ADAMTS13: variants seen among roughly 807,000 people sequenced by gnomAD.
ADAMTS13 encodes the protein ADAM metallopeptidase with thrombospondin type 1 motif 13.
In ADAMTS13, 110 loss-of-function variants were observed where a neutral mutation model predicts 155.1. The observed-to-expected ratio is 0.71, with a 90% CI of 0.61 to 0.83. ADAMTS13 has a LOEUF of 0.83. Ranked by LOEUF, ADAMTS13 falls within the 40% of genes least tolerant of loss-of-function variation. The pLI, the probability that ADAMTS13 is intolerant of heterozygous loss-of-function variation, is 0.00. For synonymous variants in ADAMTS13, 758 were observed against 756.4 expected (o/e 1.00, Z -0.03); for missense variants, 1,707 against 1,891.7 (o/e 0.90, Z 1.81).
chr9:133,435,533 A>ATTTT (rs71503347), intron 11 of ADAMTS13, among the ~76,000 whole-genome samples: 1 of 106,082 alleles, frequency 9.4e-6, no homozygotes, highest in Non-Finnish European at 1.9e-5. Context: ...TTCTTTCTTT[A>ATTTT]TTTTTTTTTT....
At chr9:133,422,301 T>C (rs1840003858), upstream of ADAMTS13, 2 of 809,120 alleles carry the variant, frequency 2.5e-6, no homozygotes, top group Non-Finnish European at 2.0e-6. Flanking sequence ...GCCCCTGCCC[T>C]GGCAGGAAGC....
At chr9:133,428,807 C>G (rs993062663) in intron 7 of ADAMTS13, 36 bp downstream of exon 7, 231 of 1,260,912 alleles carry the variant, frequency 1.8e-4, no homozygotes, top group Non-Finnish European at 2.2e-4. Flanking sequence ...GCGCGAGCCT[C>G]CAGCCAGCCC....
chr9:133,426,642 A>G (rs975060113), intron 6 of ADAMTS13, among the ~76,000 whole-genome samples: 1 of 152,220 alleles, frequency 6.6e-6, no homozygotes, highest in African/African-American at 2.4e-5. Context: ...CCATTTAGAG[A>G]TAATGTCTCT....
chr9:133,444,983 C>G lies in ADAMTS13; in HGVS notation c.2541C>G (p.Gly847=). Reference sequence around the variant, plus strand: ...AGGCTCCAGTGACTGAGGGGCCTGGCTCCGTAGATGAGAAGCTGCCTGCCC... The same window carrying G: ...AGGCTCCAGTGACTGAGGGGCCTGGGTCCGTAGATGAGAAGCTGCCTGCCC... The part of the protein sequence containing the change: ...GLEAPVTEGP[G]SVDEKLPAPE... The change falls in exon 20 of 29, where the codon GGC becomes GGG. Residue 847 remains glycine (G), a synonymous_variant. Transcript: ENST00000355699. The G allele has an allele frequency of 6.2e-7, 1 of 1,613,496 alleles. No individual in the cohort carries two copies. The highest frequency in any genetic ancestry group is 8.5e-7 in the Non-Finnish European group (1 of 1,180,036).
chr9:133,436,420 A>G (rs1419482266), intron 11 of ADAMTS13, among the ~76,000 whole-genome samples: 1 of 152,074 alleles, frequency 6.6e-6, no homozygotes, highest in Non-Finnish European at 1.5e-5. Context: ...CTGTCAGCCC[A>G]TAAAAGTCCA....
rs1344972182 is a variant in ADAMTS13, at chr9:133,428,763, C to G, written c.816C>G (p.Ser272Arg). ...CCTGCAGCCGCCGGCAGCTGCTGAG[C>G]CTGCTCAGGTAGCGGCCGCCCCGTG... ...WSPCSRRQLLSLLSAGRARCV... is the reference protein window; with the variant it reads ...WSPCSRRQLLRLLSAGRARCV... The change falls in exon 7 of 29, where the codon AGC becomes AGG. Residue 272 changes from serine to arginine, a missense_variant. This residue lies in a region of ADAMTS13 where 733 missense variants were observed against 749.6 expected (regional missense o/e 0.98). Coordinates refer to ENST00000355699, the MANE Select transcript of ADAMTS13 (RefSeq NM_139027.6). 7.4e-7 allele frequency: 1 copy of G among 1,347,844 alleles called. No homozygotes were observed. The highest frequency in any genetic ancestry group is 9.5e-7 in the Non-Finnish European group (1 of 1,047,390). The allele number at this position is 1,347,844 out of a possible 1,614,324, so 83.5% of individuals were successfully genotyped here. A position where few individuals can be genotyped will look rare whatever the true frequency, so the allele number is the denominator to read the frequency against.
intron 2 of ADAMTS13, 34 bp downstream of exon 2, chr9:133,423,201 G>A (rs1554784100): frequency 1.9e-6 from 3 of 1,600,074 alleles, no homozygotes; most frequent in Middle Eastern, 1.7e-4. Flanking sequence ...CCCGGGGGGA[G>A]TTTCTCAGGA....
rs587745572 is a variant in ADAMTS13, at chr9:133,437,870, G to A, written c.1557G>A (p.Leu519=). ...GTGGCCCCCGGGAGGACGGGACCCT[G>A]AGCCTGTGTGTGTCGGGCAGCTGCA... is the stretch of plus-strand genomic sequence containing the variant. ...MPSGPREDGT[L]SLCVSGSCRT... is the part of the protein sequence containing the mutation. The change falls in exon 13 of 29, where the codon CTG becomes CTA. Residue 519 remains leucine, a synonymous_variant. Coordinates refer to ENST00000355699, the MANE Select transcript of ADAMTS13 (RefSeq NM_139027.6). 1 of 1,613,806 alleles carries A rather than the reference G, an allele frequency of 6.2e-7. No individual in the cohort carries two copies. Among genetic ancestry groups the A allele is most frequent in the East Asian group, 2.2e-5 (1 of 44,882 alleles).
chr9:133,453,981 G>T (rs1256148067), intron 23 of ADAMTS13, among the ~76,000 whole-genome samples: 1 of 152,124 alleles, frequency 6.6e-6, no homozygotes, highest in East Asian at 1.9e-4. Flanking sequence ...GCCATAATTA[G>T]TTATTGATTG....
At chr9:133,446,356 C>G (rs1329696553) in intron 21 of ADAMTS13, among the ~76,000 whole-genome samples, 3 of 152,178 alleles carry the variant, frequency 2.0e-5, no homozygotes, top group African/African-American at 4.8e-5. Flanking sequence ...CCCTCCGCAG[C>G]CCCTGGCAAC....
At chr9:133,416,296 T>A (rs7022611) in intron 1 of ADAMTS13, among the ~76,000 whole-genome samples, 9,245 of 152,226 alleles carry the variant, frequency 0.061, 861 homozygotes, top group African/African-American at 0.2. Context: ...AAGTCATTCA[T>A]GAGGGATCTA....
At chr9:133,436,427 TC>T in intron 11 of ADAMTS13, among the ~76,000 whole-genome samples, 1 of 152,188 alleles carries the variant, frequency 6.6e-6, no homozygotes, top group East Asian at 1.9e-4. Flanking sequence ...CCCATAAAAG[TC>T]CAAGACGCCT....
chr9:133,438,507 G>A (rs587596833), intron 14 of ADAMTS13, 141 bp downstream of exon 14: 25 of 1,333,158 alleles, frequency 1.9e-5, no homozygotes, highest in Admixed American at 6.5e-5. Flanking sequence ...TGGTGTCAGC[G>A]TCTCCCTCTT....
rs1036758427 is a variant in ADAMTS13, at chr9:133,425,478, G to A, written c.331-51G>A. 1.3e-6 allele frequency: 2 copies of A among 1,552,250 alleles called. No homozygotes were observed. Among genetic ancestry groups the A allele is most frequent in the Non-Finnish European group, 1.8e-6 (2 of 1,139,262 alleles). ...CCCCTGGGAGTCAGCAGCTGCCTGG[G>A]GCTGGCAATGCCCACCCGACGGGTT... On this transcript the variant is annotated intron_variant, in intron 3 of 28. Transcript: ENST00000355699. This position sits in a 1 kb window ranked among gnomAD's most constrained non-coding sequence, Gnocchi z 4.6.
upstream of ADAMTS13, among the ~76,000 whole-genome samples, chr9:133,417,088 A>ACTGCCT (rs1839671789): frequency 6.6e-6 from 1 of 152,136 alleles, no homozygotes; most frequent in South Asian, 2.1e-4. Flanking sequence ...TCGGCTTACT[A>ACTGCCT]CTGCCTCTGC....
chr9:133,431,436 C>T (rs587596481), intron 8 of ADAMTS13, among the ~76,000 whole-genome samples: 128 of 150,446 alleles, frequency 8.5e-4, no homozygotes, highest in African/African-American at 3.0e-3. Context: ...AAGTGATTCC[C>T]GGGCCTACGC....
chr9:133,421,455 CCA>C (rs1554783094), upstream of ADAMTS13, among the ~76,000 whole-genome samples: 1 of 152,192 alleles, frequency 6.6e-6, no homozygotes, highest in East Asian at 1.9e-4. Context: ...ATAACACTTA[CCA>C]CCTTTGAACA....
chr9:133,417,776 G>A (rs781988842), upstream of ADAMTS13: 1 of 1,611,354 alleles, frequency 6.2e-7, no homozygotes. Flanking sequence ...TGAGCGTCTT[G>A]ACAGGACCCG....
At chr9:133,426,136 A>G in intron 5 of ADAMTS13, 63 bp from the exon 6 acceptor site, 3 of 1,613,952 alleles carry the variant, frequency 1.9e-6, no homozygotes, top group South Asian at 1.1e-5. Flanking sequence ...GCCCTCTGCA[A>G]AGGTGACCCC....
Sources: gnomAD v4.1 joint callset for allele counts (sites outside exome capture counted in the v4.1 genomes callset) on GRCh38, gnomAD v4.1.1 for gene constraint, gnomAD v4.1.1 regional missense constraint, Gnocchi (gnomAD v3.1) non-coding constraint, MANE v1.5 for transcripts, NCBI Gene and HGNC (gene_info 2026-07-23, HGNC 2026-07-21) for gene names.